The following SIRPA variants were observed in gnomAD, a reference collection of about 807,000 sequenced individuals.
SIRPA encodes the protein tyrosine-protein phosphatase non-receptor type substrate 1.
SIRPA carries 9 observed loss-of-function variants against 50.3 expected under a neutral mutation model. The observed-to-expected ratio is 0.18, with a 90% confidence interval of 0.11 to 0.31. The LOEUF is 0.31. Among genes scored for constraint, SIRPA ranks in the 10% least tolerant of loss-of-function variants. The pLI, the probability that SIRPA is intolerant of heterozygous loss-of-function variation, is 1.00. For missense variants in SIRPA, 474 were observed against 661.6 expected, an observed-to-expected ratio of 0.72 and a Z score of 3.11; for synonymous variants, 265 against 284.1, an observed-to-expected ratio of 0.93 and a Z score of 0.68.
intron 1 of SIRPA, among the ~76,000 whole-genome samples, chr20:1,897,599 A>G (rs1983907067): frequency 6.6e-6 from 1 of 152,218 alleles, no homozygotes; most frequent in African/African-American, 2.4e-5. Flanking sequence ...TTTCTAAGAA[A>G]ATGGATTTGT....
chr20:1,904,869 C>G (rs1194179099), intron 1 of SIRPA, among the ~76,000 whole-genome samples: 1 of 152,144 alleles, frequency 6.6e-6, no homozygotes, highest in Non-Finnish European at 1.5e-5. Context: ...ACAGACTCCT[C>G]TGGGAGGAGA....
intron 2 of SIRPA, among the ~76,000 whole-genome samples, chr20:1,918,980 A>G (rs1221231208): frequency 1.3e-5 from 2 of 152,208 alleles, no homozygotes; most frequent in Admixed American, 1.3e-4. Flanking sequence ...CTTGTCAGTG[A>G]TAACACCAAC....
intron 1 of SIRPA, among the ~76,000 whole-genome samples, chr20:1,913,131 A>T (rs904846233): frequency 2.0e-5 from 3 of 152,246 alleles, no homozygotes; most frequent in Non-Finnish European, 4.4e-5. Context: ...TAATAAAAGC[A>T]GTTGAGGTCT....
At chr20:1,907,844 C>T (rs182199987) in intron 1 of SIRPA, among the ~76,000 whole-genome samples, 2 of 152,338 alleles carry the variant, frequency 1.3e-5, no homozygotes, top group Non-Finnish European at 1.5e-5. Context: ...GTAGTCCTGG[C>T]TGTTGGAGCC....
intron 1 of SIRPA, among the ~76,000 whole-genome samples, chr20:1,904,997 A>G (rs777524482): frequency 1.6e-4 from 24 of 152,126 alleles, no homozygotes; most frequent in Admixed American, 8.5e-4. Flanking sequence ...CCGTTTCCCC[A>G]TCTGCAAAAT....
At position 1,924,853 on chromosome 20, in the gene SIRPA, C is replaced by T. The variant is rs765921966; in HGVS notation, c.1177C>T (p.Leu393Phe). The T allele has an allele frequency of 1.9e-6, 3 of 1,614,122 alleles. No individual in the cohort carries two copies. In the Admixed American group the frequency reaches 5.0e-5, roughly 27 times the overall value. Residue 393 changes from leucine to phenylalanine, a missense_variant, in exon 5 of 8, where the codon CTC (leucine) becomes TTC (phenylalanine). This residue lies in a region of SIRPA where 180 missense variants were observed against 206.7 expected (regional missense o/e 0.87). Coordinates refer to ENST00000358771, the MANE Select transcript of SIRPA (RefSeq NM_001040023.2). This position sits in a 1 kb window ranked among gnomAD's most constrained non-coding sequence, Gnocchi z 4.5. Reference sequence around the variant, plus strand: ...GGCCCTACTGATGGCGGCCCTCTACCTCGTCCGAATCAGACAGAAGAAAGG... The same window carrying T: ...GGCCCTACTGATGGCGGCCCTCTACTTCGTCCGAATCAGACAGAAGAAAGG... ...LVALLMAALYLVRIRQKKAQG... is the reference protein window; with the variant it reads ...LVALLMAALYFVRIRQKKAQG...
upstream of SIRPA, chr20:1,894,881 C>T (rs1245447017): frequency 9.5e-5 from 14 of 147,106 alleles, no homozygotes; most frequent in African/African-American, 2.7e-4. This position sits in a 1 kb window ranked among gnomAD's most constrained non-coding sequence, Gnocchi z 4.0. Flanking sequence ...GGGGGTCGGG[C>T]TGCCGGGAGG....
At chr20:1,904,905 G>T (rs1984456037) in intron 1 of SIRPA, among the ~76,000 whole-genome samples, 1 of 152,042 alleles carries the variant, frequency 6.6e-6, no homozygotes, top group African/African-American at 2.4e-5. Context: ...TCTGCTCTGG[G>T]GCACATTCCT....
At chr20:1,910,598 C>T (rs976604267) in intron 1 of SIRPA, among the ~76,000 whole-genome samples, 8 of 152,164 alleles carry the variant, frequency 5.3e-5, no homozygotes, top group Non-Finnish European at 1.2e-4. Flanking sequence ...GCTGGGGAAA[C>T]AGTGAACAAA....
rs938774111 is a variant in SIRPA, at chr20:1,940,268, A to C, written c.*2700A>C. The stretch of plus-strand genomic sequence containing the variant: ...GGATTCAAGGAGGTTGGAAGCACTG[A>C]GCCCACGCTTGGCACTGGGTAGGCC... On this transcript the variant is annotated 3_prime_UTR_variant, in exon 8 of 8. Transcript: ENST00000358771. The C allele has an allele frequency of 2.0e-5, 3 of 152,202 alleles. No homozygotes were observed. Among genetic ancestry groups the C allele is most frequent in the African/African-American group, 7.2e-5 (3 of 41,438 alleles). 9.4% of individuals were successfully genotyped at this position (152,202 alleles called of 1,614,324 possible).
chr20:1,927,851 G>C lies in SIRPA; in HGVS notation c.1202-24G>C. On this transcript the variant is annotated intron_variant, in intron 5 of 7. Transcript: ENST00000358771. This position sits in a 1 kb window ranked among gnomAD's most constrained non-coding sequence, Gnocchi z 6.5. ...AAGTGTGCTTCTAGTTAAACAACTGGCTTTTGTTTCTTTTGTCTTTCAGCC... is the reference window on the plus strand; with the variant it reads ...AAGTGTGCTTCTAGTTAAACAACTGCCTTTTGTTTCTTTTGTCTTTCAGCC... The C allele has an allele frequency of 6.2e-7, 1 of 1,612,590 alleles. No individual in the cohort carries two copies. The highest frequency in any genetic ancestry group is 8.5e-7 in the Non-Finnish European group (1 of 1,178,574).
rs1363158693 is a variant in SIRPA, at chr20:1,932,615, G to A, written c.1227-2100G>A. 6.6e-6 allele frequency among the ~76,000 whole-genome samples: 1 copy of A among 152,180 alleles called. No individual in the cohort carries two copies. Among genetic ancestry groups the A allele is most frequent in the African/African-American group, 2.4e-5 (1 of 41,444 alleles). Reference sequence around the variant, plus strand: ...GGGGTTGAGCATTCTGAGCAGAAAAGTAACATGACATCACTTATGCATTTC... The same window carrying A: ...GGGGTTGAGCATTCTGAGCAGAAAAATAACATGACATCACTTATGCATTTC... On this transcript the variant is annotated intron_variant, in intron 6 of 7. Transcript: ENST00000358771. This position sits in a 1 kb window ranked among gnomAD's most constrained non-coding sequence, Gnocchi z 6.0.
At chr20:1,931,455 C>T (rs1437883411) in intron 6 of SIRPA, among the ~76,000 whole-genome samples, 4 of 152,162 alleles carry the variant, frequency 2.6e-5, no homozygotes, top group African/African-American at 9.7e-5. Context: ...TTTCTTCTTC[C>T]CCAGAGAAAC....
At chr20:1,905,949 A>G (rs946698493) in intron 1 of SIRPA, among the ~76,000 whole-genome samples, 1 of 152,208 alleles carries the variant, frequency 6.6e-6, no homozygotes, top group Non-Finnish European at 1.5e-5. Flanking sequence ...GGCCTCATGC[A>G]TGCATCAAGG....
At chr20:1,917,517 G>C (rs1377790361) in intron 2 of SIRPA, among the ~76,000 whole-genome samples, 1 of 152,222 alleles carries the variant, frequency 6.6e-6, no homozygotes, top group Admixed American at 6.5e-5. Context: ...TCCAGCCTGG[G>C]TGATAGAGCA....
chr20:1,939,682 G>T lies in SIRPA; in HGVS notation c.*2114G>T, dbSNP rs1178316245. ...AGGCCAAGGAAGATGTATAGCTTTAGCTTTAGCCTGGCAACCTGGAGAATC... is the reference window on the plus strand; with the variant it reads ...AGGCCAAGGAAGATGTATAGCTTTATCTTTAGCCTGGCAACCTGGAGAATC... On this transcript the variant is annotated 3_prime_UTR_variant, in exon 8 of 8. Coordinates refer to ENST00000358771, the MANE Select transcript of SIRPA (RefSeq NM_001040023.2). The surrounding 1 kb of genome is among the most constrained non-coding windows in gnomAD (Gnocchi z 4.7). 6.6e-6 allele frequency: 1 copy of T among 152,602 alleles called. No homozygotes were observed. Among genetic ancestry groups the T allele is most frequent in the African/African-American group, 2.4e-5 (1 of 41,446 alleles). The allele number at this position is 152,602 out of a possible 1,614,324, so 9.5% of individuals were successfully genotyped here.
chr20:1,912,320 G>C (rs1399822861), intron 1 of SIRPA, among the ~76,000 whole-genome samples: 1 of 152,204 alleles, frequency 6.6e-6, no homozygotes, highest in Admixed American at 6.5e-5. Context: ...TATTGATAAG[G>C]ATAATAATAA....
intron 1 of SIRPA, among the ~76,000 whole-genome samples, chr20:1,899,721 C>G (rs1984055610): frequency 6.6e-6 from 1 of 152,174 alleles, no homozygotes; most frequent in African/African-American, 2.4e-5. Flanking sequence ...TGGCCTAGCG[C>G]TAAGATGGTG....
chr20:1,919,753 T>C (rs1229559069), intron 2 of SIRPA, among the ~76,000 whole-genome samples: 1 of 152,138 alleles, frequency 6.6e-6, no homozygotes, highest in Non-Finnish European at 1.5e-5. Context: ...GCGCCTGTGA[T>C]CTTGTGTTTT....
Sources: gnomAD v4.1 joint callset for allele counts (sites outside exome capture counted in the v4.1 genomes callset) on GRCh38, gnomAD v4.1.1 for gene constraint, gnomAD v4.1.1 regional missense constraint, Gnocchi (gnomAD v3.1) non-coding constraint, MANE v1.5 for transcripts, NCBI Gene and HGNC (gene_info 2026-07-23, HGNC 2026-07-21) for gene names.